Variants in NUAK1 observed in about 807,000 individuals in gnomAD.
The protein encoded by NUAK1 is NUAK family kinase 1.
A neutral mutation model predicts 56.9 loss-of-function variants in NUAK1; 26 were observed. The ratio of observed to expected loss-of-function variants is 0.46; its 90% confidence interval spans 0.33 to 0.63. NUAK1 has a LOEUF of 0.63. Among genes scored for constraint, NUAK1 ranks in the 30% least tolerant of loss-of-function variants. The pLI is 0.02. For missense variants in NUAK1, 727 were observed against 876.1 expected (o/e 0.83, Z 2.15); for synonymous variants, 337 against 336.0 (o/e 1.00, Z -0.03).
chr12:106,084,051 C>G (rs140525134), intron 3 of NUAK1, 122 bp from the exon 4 acceptor site: 1 of 821,770 alleles, frequency 1.2e-6, no homozygotes, highest in Non-Finnish European at 2.0e-6. Context: ...TGCACCAGCC[C>G]GGTGGTCTTC....
At chr12:106,120,714 C>A (rs961857730) in intron 1 of NUAK1, among the ~76,000 whole-genome samples, 5 of 152,194 alleles carry the variant, frequency 3.3e-5, no homozygotes, top group Admixed American at 1.3e-4. Context: ...AAAAAGCAAA[C>A]AAGCCAGCTG....
intron 4 of NUAK1, among the ~76,000 whole-genome samples, chr12:106,075,286 A>AAC (rs370123170): frequency 0.037 from 4,927 of 133,974 alleles, 100 homozygotes; most frequent in African/African-American, 0.056. Flanking sequence ...AGTATTAATC[A>AAC]ACACACACAC....
intron 1 of NUAK1, among the ~76,000 whole-genome samples, chr12:106,130,958 A>G (rs1402052509): frequency 6.6e-6 from 1 of 152,232 alleles, no homozygotes; most frequent in African/African-American, 2.4e-5. Context: ...TCACTAGCCC[A>G]AGGTCACACA....
chr12:106,068,897 C>T (rs531987468), intron 6 of NUAK1, among the ~76,000 whole-genome samples: 118 of 152,310 alleles, frequency 7.7e-4, no homozygotes, highest in African/African-American at 2.6e-3. Context: ...AGAAACACCC[C>T]TGAAAAGTAC....
chr12:106,126,280 C>T (rs1334459668), intron 1 of NUAK1, among the ~76,000 whole-genome samples: 1 of 152,196 alleles, frequency 6.6e-6, no homozygotes, highest in African/African-American at 2.4e-5. Context: ...TGTTGCCTCC[C>T]CCAGTGCCTA....
chr12:106,068,322 G>T (rs756508964), intron 6 of NUAK1, among the ~76,000 whole-genome samples: 31 of 152,232 alleles, frequency 2.0e-4, no homozygotes, highest in Non-Finnish European at 1.3e-4. Context: ...TTCCTTTGGC[G>T]AATATCATTT....
rs373182301 is a variant in NUAK1 at position 106,102,028 on chromosome 12, A to G, written c.361+4377T>C. On this transcript the variant is annotated intron_variant, in intron 2 of 6. Transcript: ENST00000261402. The stretch of plus-strand genomic sequence containing the variant: ...AGGGAGGGGAGCTGCCCTCCTCCAC[A>G]GTTATTTAGTGGATGTGGGAGAAAC... 2.9e-3 allele frequency among the ~76,000 whole-genome samples: 435 copies of G among 152,252 alleles called. 4 individuals are homozygous for G. Among genetic ancestry groups the G allele is most frequent in the South Asian group, 0.013 (60 of 4,796 alleles).
chr12:106,118,972 A>C (rs1437863138), intron 1 of NUAK1, among the ~76,000 whole-genome samples: 1 of 152,224 alleles, frequency 6.6e-6, no homozygotes. Context: ...ATGTAAGGAT[A>C]ATAATGCAAG....
intron 1 of NUAK1, among the ~76,000 whole-genome samples, chr12:106,127,423 A>G (rs1248504992): frequency 6.6e-6 from 1 of 152,174 alleles, no homozygotes; most frequent in Middle Eastern, 3.2e-3. Context: ...CCTGCCTCCC[A>G]AAGTGTAGGA....
Position 106,138,865 on chromosome 12 carries a change from C to T in NUAK1, c.-212G>A. ...GCGGCGCGCACGGTCCGCGCACCGC[C>T]CCCCGGCCGCGGCGAGCTGTGGAGC... On this transcript the variant is annotated 5_prime_UTR_variant, in exon 1 of 7. Transcript: ENST00000261402. The surrounding 1 kb of genome is among the most constrained non-coding windows in gnomAD (Gnocchi z 5.0). 3.8e-6 allele frequency: 2 copies of T among 532,022 alleles called. No homozygotes were observed. Among genetic ancestry groups the T allele is most frequent in the Non-Finnish European group, 2.9e-6 (1 of 347,700 alleles). The allele number at this position is 532,022 out of a possible 1,614,324, so 33.0% of individuals were successfully genotyped here. A position where few individuals can be genotyped will look rare whatever the true frequency, so the allele number is the denominator to read the frequency against.
At chr12:106,113,002 T>C in intron 1 of NUAK1, among the ~76,000 whole-genome samples, 1 of 152,214 alleles carries the variant, frequency 6.6e-6, no homozygotes, top group East Asian at 1.9e-4. Flanking sequence ...AAATGCATTC[T>C]ATTTTCAGAA....
chr12:106,105,102 C>A (rs185610437), intron 2 of NUAK1, among the ~76,000 whole-genome samples: 2 of 151,902 alleles, frequency 1.3e-5, no homozygotes, highest in Non-Finnish European at 2.9e-5. Flanking sequence ...TACAGGCATG[C>A]GCCACCACAC....
intron 1 of NUAK1, among the ~76,000 whole-genome samples, chr12:106,125,522 A>G (rs773870918): frequency 3.9e-5 from 6 of 152,162 alleles, no homozygotes; most frequent in Non-Finnish European, 2.9e-5. Flanking sequence ...GAATGTGATA[A>G]TAATACAGGT....
At chr12:106,127,932 C>T (rs183926575) in intron 1 of NUAK1, among the ~76,000 whole-genome samples, 88 of 152,214 alleles carry the variant, frequency 5.8e-4, no homozygotes, top group African/African-American at 2.1e-3. Context: ...CCAAAGAGGC[C>T]TCCTTCCAAA....
chr12:106,080,222 G>A (rs933443711), intron 4 of NUAK1, among the ~76,000 whole-genome samples: 2 of 152,182 alleles, frequency 1.3e-5, no homozygotes, highest in African/African-American at 2.4e-5. Context: ...CAGCAGCCGC[G>A]CTTCCATTGT....
intron 1 of NUAK1, among the ~76,000 whole-genome samples, chr12:106,112,189 T>C (rs900586539): frequency 1.3e-5 from 2 of 152,074 alleles, no homozygotes; most frequent in Non-Finnish European, 2.9e-5. Flanking sequence ...CAAGTTTGCA[T>C]CCTAATCCCA....
At position 106,067,038 on chromosome 12, in the gene NUAK1, CA is replaced by C; in HGVS notation, c.1749del (p.Phe583LeufsTer43). On this transcript the variant is annotated frameshift_variant, in exon 7 of 7. Coordinates refer to ENST00000261402, the MANE Select transcript of NUAK1 (RefSeq NM_014840.3). LOFTEE classifies it high-confidence loss of function. The surrounding 1 kb of genome is among the most constrained non-coding windows in gnomAD (Gnocchi z 6.0). ...SDDSVLSSDS[F>X]DLLDLQENRP... The stretch of plus-strand genomic sequence containing the variant: ...CGATTCTCCTGCAAATCCAGCAAGT[CA>C]AAAGAGTCGCTGGACAGCACGCTGT... The C allele has an allele frequency of 1.2e-6, 2 of 1,614,192 alleles. No homozygotes were observed. Among genetic ancestry groups the C allele is most frequent in the Non-Finnish European group, 1.7e-6 (2 of 1,180,038 alleles).
At position 106,138,859 on chromosome 12, in the gene NUAK1, C is replaced by A; in HGVS notation, c.-206G>T. ...GCGCCCGCGGCGCGCACGGTCCGCG[C>A]ACCGCCCCCCGGCCGCGGCGAGCTG... On this transcript the variant is annotated 5_prime_UTR_variant, in exon 1 of 7. Transcript: ENST00000261402. The surrounding 1 kb of genome is among the most constrained non-coding windows in gnomAD (Gnocchi z 5.0). 1.7e-6 allele frequency: 1 copy of A among 579,928 alleles called. No homozygotes were observed. Among genetic ancestry groups the A allele is most frequent in the Non-Finnish European group, 2.6e-6 (1 of 386,852 alleles). The allele number at this position is 579,928 out of a possible 1,614,324, so 35.9% of individuals were successfully genotyped here.
intron 1 of NUAK1, among the ~76,000 whole-genome samples, chr12:106,127,496 T>C (rs2033035125): frequency 6.6e-6 from 1 of 152,184 alleles, no homozygotes; most frequent in Non-Finnish European, 1.5e-5. Context: ...TAGAGTCTAG[T>C]TCAGAAGCCA....
Sources: allele counts gnomAD v4.1 joint callset (sites outside exome capture counted in the v4.1 genomes callset), GRCh38; gene constraint gnomAD v4.1.1; non-coding constraint Gnocchi (gnomAD v3.1); transcripts MANE v1.5; gene names NCBI Gene and HGNC (gene_info 2026-07-23, HGNC 2026-07-21).